The following UXS1 variants were observed in gnomAD, a reference collection of about 807,000 sequenced individuals.
UXS1 encodes the protein UDP-glucuronate decarboxylase 1, also known as UDP-glucuronic acid decarboxylase 1.
Under a neutral mutation model 62.6 loss-of-function variants are expected in UXS1, and 33 were observed. That is an observed-to-expected ratio of 0.53 (90% CI 0.40 to 0.70). The LOEUF (loss-of-function observed/expected upper bound fraction) is 0.70, where lower values mean the gene tolerates loss of function less well. Ranked by LOEUF, UXS1 falls within the 30% of genes least tolerant of loss-of-function variation. The probability of loss-of-function intolerance (pLI) is 0.00; values close to 1 mark genes in which losing one functional copy is unlikely to be tolerated. For missense variants in UXS1, 434 were observed against 556.3 expected (o/e 0.78, Z 2.21); for synonymous variants, 213 against 206.8 (o/e 1.03, Z -0.26).
At chr2:106,186,695 G>C (rs56295221) in intron 1 of UXS1, among the ~76,000 whole-genome samples, 16,863 of 152,170 alleles carry the variant, frequency 0.11, 1,314 homozygotes, top group East Asian at 0.32. Context: ...GCACACACCT[G>C]TAGTCCCAGC....
chr2:106,171,334 T>C (rs941395125), intron 1 of UXS1, among the ~76,000 whole-genome samples: 1 of 152,180 alleles, frequency 6.6e-6, no homozygotes, highest in African/African-American at 2.4e-5. Flanking sequence ...ATTTCTTAAA[T>C]AGTCATCAGC....
At chr2:106,096,634 G>C in intron 14 of UXS1, 84 bp downstream of exon 14, 4 of 1,313,028 alleles carry the variant, frequency 3.0e-6, no homozygotes, top group East Asian at 2.5e-5. Flanking sequence ...GGGGCTGTCT[G>C]ACAAGGGTCA....
chr2:106,188,541 A>G (rs1684722336), intron 1 of UXS1, among the ~76,000 whole-genome samples: 1 of 152,222 alleles, frequency 6.6e-6, no homozygotes, highest in African/African-American at 2.4e-5. Flanking sequence ...TCTCTGACAG[A>G]GGAGCCCAGA....
chr2:106,163,061 G>T (rs1463130467), intron 4 of UXS1, among the ~76,000 whole-genome samples: 1 of 152,214 alleles, frequency 6.6e-6, no homozygotes, highest in South Asian at 2.1e-4. Flanking sequence ...CGTGCAAGAG[G>T]AAAGTCCTGG....
chr2:106,105,734 A>T (rs1178078297), intron 10 of UXS1, among the ~76,000 whole-genome samples: 2 of 152,232 alleles, frequency 1.3e-5, no homozygotes, highest in Non-Finnish European at 2.9e-5. Context: ...AGCGCCACGG[A>T]TCACGCCACT....
intron 1 of UXS1, among the ~76,000 whole-genome samples, chr2:106,186,220 G>T (rs11124090): frequency 0.98 from 149,097 of 152,216 alleles, 73,081 homozygotes; most frequent in South Asian, 1. Context: ...TCCACAGATT[G>T]CATACTGCAA....
At chr2:106,174,784 A>T (rs1034686360) in intron 1 of UXS1, among the ~76,000 whole-genome samples, 5 of 150,960 alleles carry the variant, frequency 3.3e-5, no homozygotes, top group African/African-American at 9.7e-5. Context: ...TCATGGTATC[A>T]CCACCATCCC....
In UXS1 at chr2:106,100,440, G is replaced by C. The variant is rs528255056; in HGVS notation, c.984+618C>G. ...GGTGGAGAAGTGAGGTCAGTGGACAGGTGTGCAGAAAGTGAGATTTCTGGT... is the reference window on the plus strand; with the variant it reads ...GGTGGAGAAGTGAGGTCAGTGGACACGTGTGCAGAAAGTGAGATTTCTGGT... On this transcript the variant is annotated intron_variant, in intron 12 of 14. Transcript: ENST00000283148. Among the ~76,000 whole-genome samples, 20 of 152,326 alleles carry C rather than the reference G, an allele frequency of 1.3e-4. No individual in the cohort carries two copies. In the South Asian group the frequency reaches 3.9e-3, roughly 30 times the overall value.
intron 1 of UXS1, chr2:106,179,610 T>G (rs1684115758): frequency 6.6e-6 from 1 of 152,258 alleles, no homozygotes; most frequent in Non-Finnish European, 1.5e-5. Flanking sequence ...TTTAAAGTTC[T>G]AAATATTGCA....
intron 1 of UXS1, among the ~76,000 whole-genome samples, chr2:106,178,440 A>T (rs1323665347): frequency 6.6e-6 from 1 of 151,890 alleles, no homozygotes; most frequent in Non-Finnish European, 1.5e-5. Flanking sequence ...AAGTATGTGT[A>T]TGTATATATG....
intron 14 of UXS1, 28 bp downstream of exon 14, chr2:106,096,690 C>G (rs1210198150): frequency 6.5e-7 from 1 of 1,531,296 alleles, no homozygotes; most frequent in African/African-American, 1.4e-5. Flanking sequence ...CCCCTCCCCA[C>G]AAGGCAGCAT....
intron 6 of UXS1, among the ~76,000 whole-genome samples, chr2:106,136,926 A>G (rs1680687361): frequency 6.8e-6 from 1 of 146,176 alleles, no homozygotes; most frequent in Non-Finnish European, 1.5e-5. Flanking sequence ...AATAATAAAA[A>G]AAGAAAAAAA....
chr2:106,189,571 A>C (rs1036309934), intron 1 of UXS1, among the ~76,000 whole-genome samples: 1 of 152,068 alleles, frequency 6.6e-6, no homozygotes, highest in Non-Finnish European at 1.5e-5. Flanking sequence ...CTGGCACAAC[A>C]ACCATGTGAG....
chr2:106,131,317 C>G (rs936739249), intron 6 of UXS1, among the ~76,000 whole-genome samples: 2 of 100,860 alleles, frequency 2.0e-5, no homozygotes, highest in Admixed American at 1.0e-4. Flanking sequence ...AAGGCGGCAA[C>G]GAGGCTGGGG....
chr2:106,190,473 C>T (rs998576608), intron 1 of UXS1, among the ~76,000 whole-genome samples: 2 of 152,134 alleles, frequency 1.3e-5, no homozygotes, highest in South Asian at 2.1e-4. Context: ...GGGTTGGGTG[C>T]GGTGGCTCAC....
intron 1 of UXS1, among the ~76,000 whole-genome samples, chr2:106,172,580 G>A (rs1683635882): frequency 6.6e-6 from 1 of 152,140 alleles, no homozygotes; most frequent in African/African-American, 2.4e-5. Flanking sequence ...AGATGGGGCT[G>A]GGGGTGGAGC....
chr2:106,165,508 AT>A (rs990352178), intron 2 of UXS1, among the ~76,000 whole-genome samples: 1 of 152,080 alleles, frequency 6.6e-6, no homozygotes, highest in South Asian at 2.1e-4. Flanking sequence ...CTTTTTGCTG[AT>A]TTTTTTAAAG....
intron 6 of UXS1, among the ~76,000 whole-genome samples, chr2:106,131,041 G>A (rs1388430846): frequency 1.3e-5 from 2 of 151,114 alleles, no homozygotes; most frequent in South Asian, 2.1e-4. Context: ...GCAGGCCAGT[G>A]TGTGCGCGCA....
At chr2:106,125,810 G>A (rs774474903) in intron 7 of UXS1, 131 bp from the exon 8 acceptor site, 42 of 657,970 alleles carry the variant, frequency 6.4e-5, no homozygotes, top group South Asian at 4.9e-4. Flanking sequence ...CCCTTACTGC[G>A]TCTGCTTTGG....
Sources: gnomAD v4.1 joint callset for allele counts (sites outside exome capture counted in the v4.1 genomes callset) on GRCh38, gnomAD v4.1.1 for gene constraint, MANE v1.5 for transcripts, NCBI Gene and HGNC (gene_info 2026-07-23, HGNC 2026-07-21) for gene names.